The following HNRNPDL variants were observed in gnomAD, a reference collection of about 807,000 sequenced individuals.
HNRNPDL encodes the protein heterogeneous nuclear ribonucleoprotein D-like.
Under a neutral mutation model 48.0 loss-of-function variants are expected in HNRNPDL, and 18 were observed. That is an observed-to-expected ratio of 0.38 (90% CI 0.26 to 0.56). HNRNPDL has a LOEUF of 0.56. HNRNPDL is among the 20% of genes least tolerant of loss of function. The pLI, the probability that HNRNPDL is intolerant of heterozygous loss-of-function variation, is 0.77. For missense variants in HNRNPDL, 553 were observed against 540.7 expected (o/e 1.02, Z -0.23); for synonymous variants, 306 against 207.3 (o/e 1.48, Z -4.09).
intron 1 of HNRNPDL, among the ~76,000 whole-genome samples, chr4:82,428,916 CAG>C (rs1019097051): frequency 5.3e-5 from 8 of 152,192 alleles, no homozygotes; most frequent in East Asian, 1.9e-4. Flanking sequence ...CGAGTGGTAA[CAG>C]AGACACAATG....
At chr4:82,427,588 C>T (rs1262510186) in intron 3 of HNRNPDL, 24 bp from the exon 4 acceptor site, 8 of 1,602,396 alleles carry the variant, frequency 5.0e-6, no homozygotes, top group African/African-American at 2.7e-5. Context: ...GCACACTCAA[C>T]GTCATCCCAT....
In HNRNPDL at chr4:82,429,727, G is replaced by A. The variant is rs1721634280; in HGVS notation, c.-37C>T. On this transcript the variant is annotated 5_prime_UTR_variant, in exon 1 of 8. Transcript: ENST00000295470. ...CGGCAAGGAGAGAGGCCACGCGTGA[G>A]GGGACGCGGGCTTGGGAGAAGAGAA... is the stretch of plus-strand genomic sequence containing the variant. 3 of 1,315,936 alleles carry A rather than the reference G, an allele frequency of 2.3e-6. No homozygotes were observed. The highest frequency in any genetic ancestry group is 3.1e-5 in the East Asian group (1 of 32,486). 81.5% of individuals were successfully genotyped at this position (1,315,936 alleles called of 1,614,324 possible).
rs1362944739 is a variant in HNRNPDL, at chr4:82,422,942, G to A, written c.*1964C>T. 6.6e-6 allele frequency: 1 copy of A among 152,114 alleles called. No homozygotes were observed. Among genetic ancestry groups the A allele is most frequent in the Non-Finnish European group, 1.5e-5 (1 of 68,030 alleles). The allele number at this position is 152,114 out of a possible 1,614,324, so 9.4% of individuals were successfully genotyped here. ...TTGTTCTAAATTAATCCTTGGGAAC[G>A]AGATCTTGATAGTAGCTTCAGTTCA... On this transcript the variant is annotated 3_prime_UTR_variant, in exon 8 of 8. Transcript: ENST00000295470.
intron 7 of HNRNPDL, chr4:82,425,798 G>A: frequency 6.4e-6 from 3 of 468,024 alleles, no homozygotes; most frequent in Non-Finnish European, 7.6e-6. Context: ...AGACCACCTG[G>A]TACACAAAAG....
Position 82,429,238 on chromosome 4 carries a change from C to T in HNRNPDL, c.443+10G>A, listed in dbSNP as rs201715406. The T allele has an allele frequency of 2.5e-6, 4 of 1,612,268 alleles. No individual in the cohort carries two copies. Among genetic ancestry groups the T allele is most frequent in the African/African-American group, 1.3e-5 (1 of 74,878 alleles). On this transcript the variant is annotated intron_variant, in intron 1 of 7. Coordinates refer to ENST00000295470, the MANE Select transcript of HNRNPDL (RefSeq NM_031372.4). ...GGGGGAGGGGGAGCGGGGGAAGAAG[C>T]GTGCGGTACCCGTCATCCTGCTGAT... is the stretch of plus-strand genomic sequence containing the variant.
At chr4:82,426,888 T>C (rs911163497) in intron 5 of HNRNPDL, among the ~76,000 whole-genome samples, 32 of 152,180 alleles carry the variant, frequency 2.1e-4, no homozygotes, top group African/African-American at 7.0e-4. Context: ...GGTACACTGT[T>C]CTGTTTAAAA....
intron 6 of HNRNPDL, among the ~76,000 whole-genome samples, 153 bp from the exon 7 acceptor site, chr4:82,426,282 C>G (rs1481836969): frequency 6.6e-6 from 1 of 152,142 alleles, no homozygotes; most frequent in Non-Finnish European, 1.5e-5. Flanking sequence ...ATCATACATC[C>G]TAGTTCATTT....
chr4:82,426,742 C>T (rs1482821304), intron 5 of HNRNPDL, 109 bp from the exon 6 acceptor site: 1 of 875,362 alleles, frequency 1.1e-6, no homozygotes, highest in Non-Finnish European at 1.8e-6. Context: ...GCAGAATGGA[C>T]ATATATATTG....
At chr4:82,425,784 C>T in intron 7 of HNRNPDL, 1 of 426,912 alleles carries the variant, frequency 2.3e-6, no homozygotes. Flanking sequence ...TTAATTATTC[C>T]TCTAGACCAC....
In HNRNPDL at chr4:82,426,427, A is replaced by G. The variant is rs569761642; in HGVS notation, c.1192+36T>C. The G allele has an allele frequency of 1.2e-5, 18 of 1,552,750 alleles. No individual in the cohort carries two copies. In the East Asian group the frequency reaches 3.4e-4, roughly 29 times the overall value. On this transcript the variant is annotated intron_variant, in intron 6 of 7. Transcript: ENST00000295470. ...TTGTATGTTAACAATGAATTTTAAT[A>G]CCACTGCTTTATAAAATTAAGTTAA...
chr4:82,425,854 A>G (rs1044261331), intron 7 of HNRNPDL, 183 bp downstream of exon 7: 4 of 538,450 alleles, frequency 7.4e-6, no homozygotes, highest in Non-Finnish European at 1.3e-5. Context: ...AAAGAAAGTG[A>G]GATAAGACTT....
Position 82,429,277 on chromosome 4 carries a change from G to A in HNRNPDL, c.414C>T (p.Ile138=), listed in dbSNP as rs1285211084. 1 of 1,613,722 alleles carries A rather than the reference G, an allele frequency of 6.2e-7. No individual in the cohort carries two copies. The highest frequency in any genetic ancestry group is 1.3e-5 in the African/African-American group (1 of 75,050). The change falls in exon 1 of 8, where the codon ATC becomes ATT. Residue 138 remains isoleucine, a synonymous_variant. Transcript: ENST00000295470. Reference sequence around the variant, plus strand: ...CATCCTGCTGATTCTTGCTCGCGTTGATCTTGGATCCCTCTGCGAATTCCT... The same window carrying A: ...CATCCTGCTGATTCTTGCTCGCGTTAATCTTGGATCCCTCTGCGAATTCCT... ...NIEEFAEGSK[I]NASKNQQDDG... is the part of the protein sequence containing the mutation.
At chr4:82,427,596 CA>C (rs773322956) in intron 3 of HNRNPDL, 32 bp from the exon 4 acceptor site, 1 of 1,599,498 alleles carries the variant, frequency 6.3e-7, no homozygotes, top group Non-Finnish European at 8.5e-7. Context: ...AACGTCATCC[CA>C]TAATTGTAAA....
chr4:82,423,338 C>T lies in HNRNPDL; in HGVS notation c.*1568G>A, dbSNP rs1465371265. ...GACACCGCACCTACTGACAACACAACTTAAAAATGAACTTACTTCCATTCC... is the reference window on the plus strand; with the variant it reads ...GACACCGCACCTACTGACAACACAATTTAAAAATGAACTTACTTCCATTCC... On this transcript the variant is annotated 3_prime_UTR_variant, in exon 8 of 8. Transcript: ENST00000295470. 6.6e-6 allele frequency: 1 copy of T among 152,202 alleles called. No individual in the cohort carries two copies. Among genetic ancestry groups the T allele is most frequent in the Non-Finnish European group, 1.5e-5 (1 of 68,040 alleles). 9.4% of individuals were successfully genotyped at this position (152,202 alleles called of 1,614,324 possible).
chr4:82,429,612 G>C lies in HNRNPDL; in HGVS notation c.79C>G (p.Leu27Val), dbSNP rs762730693. ...SAPATLASRS[L>V]SHWRPRPPRQ... ...GGCGGCCGCGGCCGCCAATGGGAGA[G>C]GCTGCGGGAGGCTAAAGTAGCGGGA... Residue 27 changes from leucine (L) to valine (V), a missense_variant, in exon 1 of 8, where the codon CTC (leucine) becomes GTC (valine). Physicochemically the swap from Leu to Val is conservative, Grantham distance 32. Coordinates refer to ENST00000295470, the MANE Select transcript of HNRNPDL (RefSeq NM_031372.4). The C allele has an allele frequency of 3.1e-5, 43 of 1,380,462 alleles. No individual in the cohort carries two copies. Among genetic ancestry groups the C allele is most frequent in the Non-Finnish European group, 3.8e-5 (41 of 1,070,006 alleles). The allele number at this position is 1,380,462 out of a possible 1,614,324, so 85.5% of individuals were successfully genotyped here.
intron 4 of HNRNPDL, 58 bp downstream of exon 4, chr4:82,427,375 C>T (rs1308916283): frequency 6.5e-7 from 1 of 1,527,574 alleles, no homozygotes; most frequent in African/African-American, 1.4e-5. Flanking sequence ...TTTTTCTCCA[C>T]ATCAAGAAAT....
At chr4:82,427,626 G>A in intron 3 of HNRNPDL, 62 bp from the exon 4 acceptor site, 2 of 1,509,666 alleles carry the variant, frequency 1.3e-6, no homozygotes, top group Non-Finnish European at 1.8e-6. Flanking sequence ...GTGTCAGAAT[G>A]CCAAAGGCCT....
rs750052144 is a variant in HNRNPDL, at chr4:82,428,216, T to C, written c.613-37A>G. On this transcript the variant is annotated intron_variant, in intron 2 of 7. Transcript: ENST00000295470. ...ATTTATTTAATCTGACAGCACCATATAACCCCCAGAAAAATTTGCAAAACA... is the reference window on the plus strand; with the variant it reads ...ATTTATTTAATCTGACAGCACCATACAACCCCCAGAAAAATTTGCAAAACA... The C allele has an allele frequency of 3.7e-6, 6 of 1,608,902 alleles. No homozygotes were observed. The South Asian group carries it at 4.4e-5, about 12-fold the overall frequency.
chr4:82,428,523 TAAA>T (rs1721514935), intron 1 of HNRNPDL, 77 bp from the exon 2 acceptor site: 1 of 1,167,030 alleles, frequency 8.6e-7, no homozygotes, highest in Admixed American at 2.2e-5. Flanking sequence ...AATCGTGAAA[TAAA>T]AACAGGGACA....
Sources: allele counts gnomAD v4.1 joint callset (sites outside exome capture counted in the v4.1 genomes callset), GRCh38; gene constraint gnomAD v4.1.1; transcripts MANE v1.5; gene names NCBI Gene and HGNC (gene_info 2026-07-23, HGNC 2026-07-21).